HS2ST1: variants seen among roughly 807,000 people sequenced by gnomAD.
HS2ST1 encodes the protein heparan sulfate 2-O-sulfotransferase 1.
Under a neutral mutation model 42.9 loss-of-function variants are expected in HS2ST1, and 18 were observed. The ratio of observed to expected loss-of-function variants is 0.42; its 90% CI spans 0.29 to 0.62. The LOEUF is 0.62. Among genes scored for constraint, HS2ST1 ranks in the 20% least tolerant of loss-of-function variants. HS2ST1 has a pLI of 0.21. For missense variants in HS2ST1, 334 were observed against 433.8 expected, an observed-to-expected ratio of 0.77 and a Z score of 2.04; for synonymous variants, 146 against 152.9, an observed-to-expected ratio of 0.95 and a Z score of 0.33.
intron 1 of HS2ST1, among the ~76,000 whole-genome samples, chr1:87,029,592 G>A (rs1023203135): frequency 1.3e-5 from 2 of 152,128 alleles, no homozygotes; most frequent in Admixed American, 1.3e-4. Flanking sequence ...ATGTTGCAGC[G>A]ATTATAGATT....
At chr1:86,948,608 G>A (rs1020435624) in intron 1 of HS2ST1, among the ~76,000 whole-genome samples, 1 of 152,008 alleles carries the variant, frequency 6.6e-6, no homozygotes, top group African/African-American at 2.4e-5. Context: ...GTCACAATAT[G>A]GTCTATATTC....
chr1:86,923,130 T>A (rs1660334685), intron 1 of HS2ST1, among the ~76,000 whole-genome samples: 1 of 152,196 alleles, frequency 6.6e-6, no homozygotes, highest in Admixed American at 6.5e-5. Context: ...TTATTTTTTA[T>A]CTCAGGCGTT....
At chr1:87,048,221 A>G (rs555830187) in intron 1 of HS2ST1, among the ~76,000 whole-genome samples, 1 of 152,198 alleles carries the variant, frequency 6.6e-6, no homozygotes, top group African/African-American at 2.4e-5. Context: ...TTAGTAATAT[A>G]CAATTGATTT....
intron 1 of HS2ST1, among the ~76,000 whole-genome samples, chr1:86,956,747 T>A (rs1159805594): frequency 6.6e-6 from 1 of 152,152 alleles, no homozygotes; most frequent in African/African-American, 2.4e-5. Flanking sequence ...CCAGAAAAAA[T>A]ATATTACCCT....
intron 1 of HS2ST1, among the ~76,000 whole-genome samples, chr1:86,922,447 A>G (rs370985678): frequency 1.3e-4 from 14 of 107,596 alleles, no homozygotes; most frequent in African/African-American, 3.9e-4. Flanking sequence ...GTGTGTGTGT[A>G]TGCAGATTTT....
chr1:86,914,942 T>A lies in HS2ST1; in HGVS notation c.-95T>A. 3 of 1,516,366 alleles carry A rather than the reference T, an allele frequency of 2.0e-6. No homozygotes were observed. Among genetic ancestry groups the A allele is most frequent in the Non-Finnish European group, 2.7e-6 (3 of 1,105,588 alleles). 93.9% of individuals were successfully genotyped at this position (1,516,366 alleles called of 1,614,324 possible). A position where few individuals can be genotyped will look rare whatever the true frequency, so the allele number is the denominator to read the frequency against. On this transcript the variant is annotated 5_prime_UTR_variant, in exon 1 of 7. Transcript: ENST00000370550. Reference sequence around the variant, plus strand: ...CGCTGTCGCTCTCTCTTTGCCTCGCTCCCGGCTCGGCGGGCTCCTCCCGGC... The same window carrying A: ...CGCTGTCGCTCTCTCTTTGCCTCGCACCCGGCTCGGCGGGCTCCTCCCGGC...
intron 1 of HS2ST1, among the ~76,000 whole-genome samples, chr1:87,012,892 T>C (rs1445774459): frequency 1.1e-4 from 17 of 152,226 alleles, no homozygotes; most frequent in African/African-American, 4.1e-4. Flanking sequence ...CAGTCAAATC[T>C]TAAAGCTCCA....
At chr1:87,066,235 A>T (rs182797301) in intron 1 of HS2ST1, among the ~76,000 whole-genome samples, 181 of 152,340 alleles carry the variant, frequency 1.2e-3, no homozygotes, top group African/African-American at 4.3e-3. Flanking sequence ...TGCTAATCTG[A>T]CACGTGGAAA....
intron 1 of HS2ST1, among the ~76,000 whole-genome samples, chr1:86,944,817 C>G (rs1647282215): frequency 6.6e-6 from 1 of 151,754 alleles, no homozygotes; most frequent in African/African-American, 2.4e-5. Flanking sequence ...TTATTTTTAA[C>G]TTCCTAGGCC....
At chr1:86,929,669 C>T (rs930748634) in intron 1 of HS2ST1, among the ~76,000 whole-genome samples, 5 of 151,684 alleles carry the variant, frequency 3.3e-5, no homozygotes, top group Non-Finnish European at 1.5e-5. Context: ...TATAAAATAA[C>T]TCTTTGGCCT....
intron 1 of HS2ST1, among the ~76,000 whole-genome samples, chr1:87,010,399 G>C (rs888448703): frequency 6.6e-6 from 1 of 152,002 alleles, no homozygotes; most frequent in African/African-American, 2.4e-5. Context: ...AGTGACACTG[G>C]TGAATGTAGA....
rs1268033402 is a variant in HS2ST1 at position 87,045,134 on chromosome 1, T to A, written c.125-27800T>A. On this transcript the variant is annotated intron_variant, in intron 1 of 6. Coordinates refer to ENST00000370550, the MANE Select transcript of HS2ST1 (RefSeq NM_012262.4). ...GAGCTGTGGAGGTGGAAGGCTGACCTCCATCATTACTGCCATTGGTTATGC... is the reference window on the plus strand; with the variant it reads ...GAGCTGTGGAGGTGGAAGGCTGACCACCATCATTACTGCCATTGGTTATGC... The A allele has an allele frequency of 3.5e-6, 3 of 863,726 alleles. No homozygotes were observed. In the African/African-American group the frequency reaches 5.0e-5, roughly 14 times the overall value. 53.5% of individuals were successfully genotyped at this position (863,726 alleles called of 1,614,324 possible).
chr1:87,057,050 C>T (rs1054131723), intron 1 of HS2ST1, among the ~76,000 whole-genome samples: 1 of 152,204 alleles, frequency 6.6e-6, no homozygotes, highest in African/African-American at 2.4e-5. Flanking sequence ...AATGGAGAAG[C>T]AGATATGAAA....
chr1:87,109,278 G>GA lies in HS2ST1; in HGVS notation c.*4583dup, dbSNP rs1557549293. Reference sequence around the variant, plus strand: ...GTGTTCAGTGTCAACTTAACTCTCAGATAGTGTTGCCATCAAGAAAGCATG... The same window carrying GA: ...GTGTTCAGTGTCAACTTAACTCTCAGAATAGTGTTGCCATCAAGAAAGCATG... On this transcript the variant is annotated 3_prime_UTR_variant, in exon 7 of 7. Transcript: ENST00000370550. 6.6e-6 allele frequency: 1 copy of GA among 152,236 alleles called. No homozygotes were observed. The highest frequency in any genetic ancestry group is 1.5e-5 in the Non-Finnish European group (1 of 67,988). The allele number at this position is 152,236 out of a possible 1,614,324, so 9.4% of individuals were successfully genotyped here.
chr1:87,021,857 A>G (rs1384810110), intron 1 of HS2ST1, among the ~76,000 whole-genome samples: 1 of 152,198 alleles, frequency 6.6e-6, no homozygotes, highest in Non-Finnish European at 1.5e-5. Context: ...TCAGAGACCC[A>G]TCAACTCTGA....
At chr1:87,097,433 C>T (rs954275315) in intron 4 of HS2ST1, among the ~76,000 whole-genome samples, 5 of 152,022 alleles carry the variant, frequency 3.3e-5, no homozygotes, top group African/African-American at 1.2e-4. Flanking sequence ...CTTGCTCTGT[C>T]GCCAGGCTGG....
chr1:86,940,041 G>A (rs1660729701), intron 1 of HS2ST1, among the ~76,000 whole-genome samples: 1 of 152,162 alleles, frequency 6.6e-6, no homozygotes, highest in African/African-American at 2.4e-5. Flanking sequence ...TCCACAGTGT[G>A]CCTTCTAGGT....
chr1:86,964,885 T>A (rs529134863), intron 1 of HS2ST1, among the ~76,000 whole-genome samples: 2 of 152,306 alleles, frequency 1.3e-5, no homozygotes, highest in South Asian at 4.1e-4. Context: ...TACACTCTCT[T>A]CATATGTGAA....
intron 1 of HS2ST1, among the ~76,000 whole-genome samples, chr1:86,985,055 T>C (rs1301332349): frequency 6.6e-6 from 1 of 151,696 alleles, no homozygotes; most frequent in Non-Finnish European, 1.5e-5. Flanking sequence ...TAAACGTTTA[T>C]ATCCATTTAT....
Sources: gnomAD v4.1 joint callset for allele counts (sites outside exome capture counted in the v4.1 genomes callset) on GRCh38, gnomAD v4.1.1 for gene constraint, MANE v1.5 for transcripts, NCBI Gene and HGNC (gene_info 2026-07-23, HGNC 2026-07-21) for gene names.